The following RUNX1 variants were observed in gnomAD, a reference collection of about 807,000 sequenced individuals.
The protein encoded by RUNX1 is RUNX family transcription factor 1, also known as runt-related transcription factor 1.
Under a neutral mutation model 42.8 loss-of-function variants are expected in RUNX1, and 19 were observed. The observed-to-expected ratio is 0.44, with a 90% CI of 0.31 to 0.65. RUNX1 has a LOEUF of 0.65. Ranked by LOEUF, RUNX1 falls within the 30% of genes least tolerant of loss-of-function variation. The probability of loss-of-function intolerance (pLI) is 0.07; values close to 1 mark genes in which losing one functional copy is unlikely to be tolerated. For synonymous variants in RUNX1, 271 were observed against 289.4 expected, an observed-to-expected ratio of 0.94 and a Z score of 0.64; for missense variants, 528 against 672.0, an observed-to-expected ratio of 0.79 and a Z score of 2.37.
intron 2 of RUNX1, among the ~76,000 whole-genome samples, chr21:35,010,413 G>A (rs1601669017): frequency 6.6e-6 from 1 of 152,056 alleles, no homozygotes; most frequent in African/African-American, 2.4e-5. Flanking sequence ...TGACAATTAG[G>A]TGCTCTGTGC....
At chr21:34,842,796 C>T (rs1034786745) in intron 6 of RUNX1, among the ~76,000 whole-genome samples, 4 of 152,024 alleles carry the variant, frequency 2.6e-5, no homozygotes, top group Admixed American at 6.5e-5. Flanking sequence ...CAGCTGGGCG[C>T]GGTGGCTCAT....
At chr21:34,979,431 T>C in intron 2 of RUNX1, among the ~76,000 whole-genome samples, 1 of 152,198 alleles carries the variant, frequency 6.6e-6, no homozygotes, top group African/African-American at 2.4e-5. Flanking sequence ...AAAAAAATCT[T>C]TCCATAGGTA....
intron 7 of RUNX1, among the ~76,000 whole-genome samples, chr21:34,806,611 G>A (rs1188961035): frequency 2.6e-5 from 4 of 152,074 alleles, no homozygotes; most frequent in African/African-American, 9.7e-5. Context: ...TGACCTAAAC[G>A]GCACTACCAG....
chr21:34,931,354 G>A (rs1035017450), intron 2 of RUNX1, among the ~76,000 whole-genome samples: 3 of 135,900 alleles, frequency 2.2e-5, no homozygotes, highest in Admixed American at 2.2e-4. Flanking sequence ...ATATATACAT[G>A]TGTATATATA....
chr21:34,987,975 T>G (rs1193474841), intron 2 of RUNX1, among the ~76,000 whole-genome samples: 3 of 152,180 alleles, frequency 2.0e-5, no homozygotes, highest in Non-Finnish European at 2.9e-5. Flanking sequence ...GGTTTCTTAT[T>G]TATAGAATGA....
chr21:34,864,129 C>T (rs528169023), intron 5 of RUNX1, among the ~76,000 whole-genome samples: 4 of 152,338 alleles, frequency 2.6e-5, no homozygotes, highest in Admixed American at 2.0e-4. Flanking sequence ...CTGCCCTCCA[C>T]GTGGCCCTGC....
At chr21:34,875,243 G>A (rs1235091378) in intron 5 of RUNX1, among the ~76,000 whole-genome samples, 2 of 152,210 alleles carry the variant, frequency 1.3e-5, no homozygotes, top group African/African-American at 4.8e-5. Flanking sequence ...GGAGCAACTT[G>A]CTTTAGGAAA....
intron 2 of RUNX1, among the ~76,000 whole-genome samples, chr21:35,041,484 T>C (rs779859714): frequency 6.6e-6 from 1 of 151,994 alleles, no homozygotes; most frequent in African/African-American, 2.4e-5. Flanking sequence ...TGGACACATA[T>C]GGACCATGGC....
chr21:34,935,188 T>C (rs1601587938), intron 2 of RUNX1, among the ~76,000 whole-genome samples: 1 of 152,292 alleles, frequency 6.6e-6, no homozygotes, highest in East Asian at 1.9e-4. Context: ...GTTGATGTGT[T>C]CTTTGGGAGC....
intron 2 of RUNX1, among the ~76,000 whole-genome samples, chr21:35,030,623 G>A (rs1413964908): frequency 6.6e-6 from 1 of 152,128 alleles, no homozygotes; most frequent in East Asian, 1.9e-4. Context: ...AAAACTACTG[G>A]AAGAAAACAC....
At chr21:34,899,661 G>A (rs1374058771) in intron 2 of RUNX1, among the ~76,000 whole-genome samples, 6 of 152,320 alleles carry the variant, frequency 3.9e-5, no homozygotes, top group Non-Finnish European at 8.8e-5. Context: ...TTCTTGAGCA[G>A]TGAGTGGTCC....
At chr21:34,909,190 G>A (rs1230908752) in intron 2 of RUNX1, among the ~76,000 whole-genome samples, 1 of 151,994 alleles carries the variant, frequency 6.6e-6, no homozygotes, top group East Asian at 1.9e-4. Context: ...ACCACTCTGT[G>A]TTCACTCCCG....
intron 2 of RUNX1, among the ~76,000 whole-genome samples, chr21:35,017,409 T>C (rs1223697861): frequency 6.6e-6 from 1 of 152,126 alleles, no homozygotes; most frequent in Non-Finnish European, 1.5e-5. Context: ...AATTGCATCA[T>C]CAATTTGCAG....
chr21:34,894,928 C>CACAT (rs540799878), intron 2 of RUNX1, among the ~76,000 whole-genome samples: 2 of 109,554 alleles, frequency 1.8e-5, no homozygotes, highest in East Asian at 2.4e-4. Context: ...CACACACACA[C>CACAT]ATATTCATAT....
At chr21:34,793,230 C>T (rs977183579) in intron 8 of RUNX1, among the ~76,000 whole-genome samples, 4 of 151,874 alleles carry the variant, frequency 2.6e-5, no homozygotes, top group African/African-American at 9.7e-5. Flanking sequence ...GGACGGGGAT[C>T]AGGAGGCTGC....
At chr21:34,994,841 A>T (rs2058981308) in intron 2 of RUNX1, among the ~76,000 whole-genome samples, 1 of 152,192 alleles carries the variant, frequency 6.6e-6, no homozygotes, top group African/African-American at 2.4e-5. Flanking sequence ...AGAGGAATTA[A>T]CTTCCAGCCT....
chr21:34,826,197 C>G (rs2146027376), intron 7 of RUNX1, among the ~76,000 whole-genome samples: 1 of 152,256 alleles, frequency 6.6e-6, no homozygotes, highest in Non-Finnish European at 1.5e-5. Flanking sequence ...TTGCAGGGAG[C>G]AAACGGGTCA....
intron 2 of RUNX1, among the ~76,000 whole-genome samples, chr21:35,026,885 C>T (rs2059241282): frequency 6.6e-6 from 1 of 152,352 alleles, no homozygotes; most frequent in East Asian, 1.9e-4. Context: ...AGCTGCCTGC[C>T]CGCGCGTTAT....
intron 2 of RUNX1, among the ~76,000 whole-genome samples, chr21:35,008,587 T>G (rs531090768): frequency 4.9e-4 from 75 of 152,274 alleles, no homozygotes; most frequent in Non-Finnish European, 1.0e-3. Context: ...TGTGCACATC[T>G]GCATAGGCAG....
Sources: gnomAD v4.1 joint callset for allele counts (sites outside exome capture counted in the v4.1 genomes callset) on GRCh38, gnomAD v4.1.1 for gene constraint, MANE v1.5 for transcripts, NCBI Gene and HGNC (gene_info 2026-07-23, HGNC 2026-07-21) for gene names.